The following PPIC variants were observed in gnomAD, a reference collection of about 807,000 sequenced individuals.
PPIC encodes the protein peptidyl-prolyl cis-trans isomerase C.
Under a neutral mutation model 19.5 loss-of-function variants are expected in PPIC, and 19 were observed. The ratio of observed to expected loss-of-function variants is 0.98; its 90% CI spans 0.68 to 1.43. The LOEUF (loss-of-function observed/expected upper bound fraction) is 1.43. Among genes scored for constraint, PPIC ranks in the 40% most tolerant of loss-of-function variants. The pLI, the probability that PPIC is intolerant of heterozygous loss-of-function variation, is 0.00. For missense variants in PPIC, 268 were observed against 268.6 expected, an observed-to-expected ratio of 1.00 and a Z score of 0.02; for synonymous variants, 107 against 101.2, an observed-to-expected ratio of 1.06 and a Z score of -0.34.
chr5:123,029,207 T>G, intron 2 of PPIC, 98 bp downstream of exon 2: 1 of 1,595,430 alleles, frequency 6.3e-7, no homozygotes, highest in Non-Finnish European at 8.6e-7. Flanking sequence ...AAGGTTCATC[T>G]GACATACTAA....
At chr5:123,028,197 T>G (rs1762889284) in intron 3 of PPIC, among the ~76,000 whole-genome samples, 1 of 152,218 alleles carries the variant, frequency 6.6e-6, no homozygotes, top group African/African-American at 2.4e-5. Flanking sequence ...TAACCCAACA[T>G]TTTAGAACAG....
At position 123,035,079 on chromosome 5, in the gene PPIC, C is replaced by T. The variant is rs572750310; in HGVS notation, c.117+1430G>A. On this transcript the variant is annotated intron_variant, in intron 1 of 4. Coordinates refer to ENST00000306442, the MANE Select transcript of PPIC (RefSeq NM_000943.5). ...ATTCCGCTGCTGCTCACCCCTCCAACCTCATCTCAAGTCACCTCTCATTCT... is the reference window on the plus strand; with the variant it reads ...ATTCCGCTGCTGCTCACCCCTCCAATCTCATCTCAAGTCACCTCTCATTCT... Among the ~76,000 whole-genome samples, 105 of 152,306 alleles carry T rather than the reference C, an allele frequency of 6.9e-4. 1 individual carries two copies. The highest frequency in any genetic ancestry group is 2.4e-3 in the African/African-American group (98 of 41,550).
Position 123,036,285 on chromosome 5 carries a change from G to A in PPIC, c.117+224C>T, listed in dbSNP as rs1265907136. The A allele has an allele frequency of 3.6e-6, 2 of 562,350 alleles. No individual in the cohort carries two copies. Among genetic ancestry groups the A allele is most frequent in the Admixed American group, 3.1e-5 (1 of 31,892 alleles). 34.8% of individuals were successfully genotyped at this position (562,350 alleles called of 1,614,324 possible). ...ACAAGAAGTCCAAGCAGACTGCGGC[G>A]GAGGTAGGCTGGCCTCAGCCCAGCT... On this transcript the variant is annotated intron_variant, in intron 1 of 4. Coordinates refer to ENST00000306442, the MANE Select transcript of PPIC (RefSeq NM_000943.5). This position sits in a 1 kb window ranked among gnomAD's most constrained non-coding sequence, Gnocchi z 4.5.
chr5:123,024,459 C>G (rs1252643644), intron 4 of PPIC, among the ~76,000 whole-genome samples: 1 of 152,148 alleles, frequency 6.6e-6, no homozygotes, highest in Non-Finnish European at 1.5e-5. Flanking sequence ...GGACCTAGTT[C>G]TAGGTTTGTC....
At position 123,028,636 on chromosome 5, in the gene PPIC, C is replaced by T. The variant is rs565727956; in HGVS notation, c.325+139G>A. On this transcript the variant is annotated intron_variant, in intron 3 of 4. Transcript: ENST00000306442. The stretch of plus-strand genomic sequence containing the variant: ...GATGCTGCTAGATGAGTCCCCAAAA[C>T]TCCATCCTTCTCAAAGAGGTACAGT... 7.9e-6 allele frequency: 5 copies of T among 632,138 alleles called. No individual in the cohort carries two copies. The East Asian group carries it at 1.2e-4, about 15-fold the overall frequency. The allele number at this position is 632,138 out of a possible 1,614,324, so 39.2% of individuals were successfully genotyped here.
intron 1 of PPIC, among the ~76,000 whole-genome samples, chr5:123,035,470 TC>T: frequency 6.6e-6 from 1 of 152,254 alleles, no homozygotes; most frequent in East Asian, 1.9e-4. Flanking sequence ...GCACGGCCTT[TC>T]TGCGACATCA....
intron 2 of PPIC, 145 bp from the exon 3 acceptor site, chr5:123,029,013 G>A: frequency 1.2e-6 from 1 of 858,560 alleles, no homozygotes; most frequent in African/African-American, 1.7e-5. Context: ...TTTACTGAGA[G>A]AAATTTATCA....
chr5:123,036,407 A>G lies in PPIC; in HGVS notation c.117+102T>C. 2 of 1,074,648 alleles carry G rather than the reference A, an allele frequency of 1.9e-6. No homozygotes were observed. The allele number at this position is 1,074,648 out of a possible 1,614,324, so 66.6% of individuals were successfully genotyped here. The stretch of plus-strand genomic sequence containing the variant: ...GCCTCCAGTCCCCCTGCGCCCGGGA[A>G]GCCTCCACCTCGCCCGCCCTGACAC... On this transcript the variant is annotated intron_variant, in intron 1 of 4. Coordinates refer to ENST00000306442, the MANE Select transcript of PPIC (RefSeq NM_000943.5). This position sits in a 1 kb window ranked among gnomAD's most constrained non-coding sequence, Gnocchi z 4.5.
At chr5:123,034,321 A>AG (rs902580588) in intron 1 of PPIC, among the ~76,000 whole-genome samples, 1 of 152,188 alleles carries the variant, frequency 6.6e-6, no homozygotes, top group Non-Finnish European at 1.5e-5. Context: ...CAAATTTGGT[A>AG]GGGGGAAAAA....
At chr5:123,033,988 C>G (rs1049711201) in intron 1 of PPIC, among the ~76,000 whole-genome samples, 1 of 152,248 alleles carries the variant, frequency 6.6e-6, no homozygotes, top group African/African-American at 2.4e-5. Context: ...GGGCAGGAAG[C>G]TGCCAGGCTG....
intron 4 of PPIC, among the ~76,000 whole-genome samples, chr5:123,024,498 C>T (rs1762821796): frequency 6.6e-6 from 1 of 152,164 alleles, no homozygotes; most frequent in Non-Finnish European, 1.5e-5. Context: ...AGCCATTAAC[C>T]TATAAGTTGA....
intron 1 of PPIC, among the ~76,000 whole-genome samples, chr5:123,032,700 C>A (rs1244309776): frequency 6.6e-6 from 1 of 152,068 alleles, no homozygotes; most frequent in African/African-American, 2.4e-5. Context: ...GAGCTTCAGT[C>A]CAACAGAAAA....
At chr5:123,035,080 C>A (rs1762988346) in intron 1 of PPIC, among the ~76,000 whole-genome samples, 1 of 152,216 alleles carries the variant, frequency 6.6e-6, no homozygotes, top group Non-Finnish European at 1.5e-5. Flanking sequence ...CCCCTCCAAC[C>A]TCATCTCAAG....
At chr5:123,035,634 G>T (rs1197941833) in intron 1 of PPIC, among the ~76,000 whole-genome samples, 1 of 152,090 alleles carries the variant, frequency 6.6e-6, no homozygotes, top group Non-Finnish European at 1.5e-5. Flanking sequence ...GCTGCAGCCC[G>T]CCCCCTCCAG....
At chr5:123,028,741 G>C in intron 3 of PPIC, 34 bp downstream of exon 3, 1 of 1,551,238 alleles carries the variant, frequency 6.4e-7, no homozygotes, top group East Asian at 2.2e-5. Context: ...ATTTCGGTTT[G>C]GTAAATGGGA....
rs375762834 is a variant in PPIC, at chr5:123,028,797, G to C, written c.303C>G (p.Ile101Met). Residue 101 changes from isoleucine (I) to methionine (M), a missense_variant, in exon 3 of 5, where the codon ATC becomes ATG. Transcript: ENST00000306442. Reference sequence around the variant, plus strand: ...TACCCCCAGTGCCATCTCCAGTGGTGATGTCACCTCCTTGAATCATGAAAT... The same window carrying C: ...TACCCCCAGTGCCATCTCCAGTGGTCATGTCACCTCCTTGAATCATGAAAT... ...IKDFMIQGGD[I>M]TTGDGTGGVS... is the part of the protein sequence containing the mutation. 3.0e-5 allele frequency: 48 copies of C among 1,613,382 alleles called. No individual in the cohort carries two copies. Among genetic ancestry groups the C allele is most frequent in the Non-Finnish European group, 3.9e-5 (46 of 1,179,450 alleles).
intron 1 of PPIC, among the ~76,000 whole-genome samples, chr5:123,033,010 C>G (rs1341248260): frequency 6.6e-6 from 1 of 152,166 alleles, no homozygotes; most frequent in Non-Finnish European, 1.5e-5. Context: ...AATCCTGATT[C>G]CATTTCCAAA....
At position 123,036,633 on chromosome 5, in the gene PPIC, G is replaced by A. The variant is rs976435931; in HGVS notation, c.-8C>T. 2.4e-5 allele frequency: 37 copies of A among 1,573,868 alleles called. No homozygotes were observed. The highest frequency in any genetic ancestry group is 3.1e-5 in the Non-Finnish European group (36 of 1,161,220). On this transcript the variant is annotated 5_prime_UTR_variant, in exon 1 of 5. Transcript: ENST00000306442. This position sits in a 1 kb window ranked among gnomAD's most constrained non-coding sequence, Gnocchi z 4.5. Reference sequence around the variant, plus strand: ...CCGAGGACCCGGGCCCATGGTGAGCGGTGGCAGCGGCGCTACCGGCACGGG... The same window carrying A: ...CCGAGGACCCGGGCCCATGGTGAGCAGTGGCAGCGGCGCTACCGGCACGGG...
At chr5:123,027,580 C>T (rs1379526877) in intron 3 of PPIC, among the ~76,000 whole-genome samples, 1 of 152,190 alleles carries the variant, frequency 6.6e-6, no homozygotes, top group African/African-American at 2.4e-5. Flanking sequence ...TGCCTTCCTC[C>T]ACTCCAGTCT....
Sources: gnomAD v4.1 joint callset for allele counts (sites outside exome capture counted in the v4.1 genomes callset) on GRCh38, gnomAD v4.1.1 for gene constraint, Gnocchi (gnomAD v3.1) non-coding constraint, MANE v1.5 for transcripts, NCBI Gene and HGNC (gene_info 2026-07-23, HGNC 2026-07-21) for gene names.